PARD3: variants seen among roughly 807,000 people sequenced by gnomAD.
PARD3 encodes the protein par-3 family cell polarity regulator.
Under a neutral mutation model 155.4 loss-of-function variants are expected in PARD3, and 75 were observed. The observed-to-expected ratio is 0.48, with a 90% CI of 0.40 to 0.58. The LOEUF (loss-of-function observed/expected upper bound fraction) is 0.58. Among genes scored for constraint, PARD3 ranks in the 20% least tolerant of loss-of-function variants. The probability of loss-of-function intolerance (pLI) is 0.00; values close to 1 mark genes in which losing one functional copy is unlikely to be tolerated. For missense variants in PARD3, 1,642 were observed against 1,721.7 expected (o/e 0.95, Z 0.82); for synonymous variants, 576 against 610.5 (o/e 0.94, Z 0.83).
chr10:34,586,642 A>C (rs2088083215), intron 2 of PARD3, among the ~76,000 whole-genome samples: 2 of 152,204 alleles, frequency 1.3e-5, no homozygotes, highest in African/African-American at 4.8e-5. Context: ...TTGCTAGATG[A>C]TTCTAAGCAT....
At chr10:34,384,589 G>C (rs933787386) in intron 7 of PARD3, among the ~76,000 whole-genome samples, 4 of 152,138 alleles carry the variant, frequency 2.6e-5, no homozygotes, top group African/African-American at 9.7e-5. Flanking sequence ...GGATAAGCAT[G>C]TATTTTTGAA....
At chr10:34,164,121 A>C (rs1949411153) in intron 22 of PARD3, among the ~76,000 whole-genome samples, 1 of 152,216 alleles carries the variant, frequency 6.6e-6, no homozygotes, top group South Asian at 2.1e-4. Flanking sequence ...CAAAGCGGAA[A>C]AATAAACAGC....
rs1034427062 is a variant in PARD3, at chr10:34,577,732, G to A, written c.223-60573C>T. On this transcript the variant is annotated intron_variant, in intron 2 of 24. Transcript: ENST00000374788. ...CTAGAATATGTGTGGAAGTGTGCAC[G>A]TGTGCACAGGCACACACGTGGGTAC... 5.3e-5 allele frequency among the ~76,000 whole-genome samples: 8 copies of A among 152,150 alleles called. No individual in the cohort carries two copies. The South Asian group carries it at 6.2e-4, about 12-fold the overall frequency.
intron 2 of PARD3, among the ~76,000 whole-genome samples, chr10:34,687,138 G>A (rs1427604788): frequency 6.6e-6 from 1 of 152,010 alleles, no homozygotes; most frequent in African/African-American, 2.4e-5. Flanking sequence ...TGAAAATTCT[G>A]CCATACTTGT....
At chr10:34,445,621 A>G (rs771328752) in intron 5 of PARD3, among the ~76,000 whole-genome samples, 6 of 152,206 alleles carry the variant, frequency 3.9e-5, no homozygotes, top group Non-Finnish European at 8.8e-5. Context: ...TTTTGCTTAA[A>G]AAGAAACTAT....
chr10:34,729,257 G>A (rs1424477954), intron 1 of PARD3, among the ~76,000 whole-genome samples: 3 of 152,300 alleles, frequency 2.0e-5, no homozygotes, highest in Admixed American at 1.3e-4. Context: ...TTGGCCAGGC[G>A]TGGAGGCTCA....
chr10:34,248,326 G>T (rs1438690850), intron 22 of PARD3, among the ~76,000 whole-genome samples: 1 of 152,142 alleles, frequency 6.6e-6, no homozygotes, highest in Non-Finnish European at 1.5e-5. Flanking sequence ...AAACAGCATG[G>T]TCAATAAAAC....
At chr10:34,553,127 C>T (rs1347712890) in intron 2 of PARD3, among the ~76,000 whole-genome samples, 1 of 152,140 alleles carries the variant, frequency 6.6e-6, no homozygotes, top group Non-Finnish European at 1.5e-5. Context: ...AGGTTAATCG[C>T]CATCGATCCA....
intron 14 of PARD3, among the ~76,000 whole-genome samples, chr10:34,354,492 C>T (rs1000061494): frequency 3.3e-5 from 5 of 152,046 alleles, no homozygotes; most frequent in African/African-American, 9.7e-5. Context: ...GGTAGATGGA[C>T]CAAGCCCTGG....
At chr10:34,443,287 G>A (rs539086475) in intron 5 of PARD3, among the ~76,000 whole-genome samples, 1 of 152,230 alleles carries the variant, frequency 6.6e-6, no homozygotes, top group African/African-American at 2.4e-5. Context: ...CAATCTTCAA[G>A]AATTTGGCTG....
At chr10:34,592,813 A>G (rs2088843068) in intron 2 of PARD3, among the ~76,000 whole-genome samples, 1 of 152,140 alleles carries the variant, frequency 6.6e-6, no homozygotes, top group Admixed American at 6.5e-5. Flanking sequence ...TTTCACAGAG[A>G]AGAAACCAAG....
Position 34,467,745 on chromosome 10 carries a change from C to CTAAA in PARD3, c.582+2336_582+2339dup, listed in dbSNP as rs373700816. On this transcript the variant is annotated intron_variant, in intron 4 of 24. Coordinates refer to ENST00000374788, the MANE Select transcript of PARD3 (RefSeq NM_001184785.2). ...TGGGTGACAAAGCAAGACCCCATCT[C>CTAAA]TAAATAAATAAATAAATAAATAAAT... Among the ~76,000 whole-genome samples, 469 of 152,004 alleles carry CTAAA rather than the reference C, an allele frequency of 3.1e-3. 3 individuals carry two copies. Among genetic ancestry groups the CTAAA allele is most frequent in the Middle Eastern group, 0.024 (7 of 294 alleles).
chr10:34,463,307 A>G (rs2077788888), intron 4 of PARD3, among the ~76,000 whole-genome samples: 1 of 106,564 alleles, frequency 9.4e-6, no homozygotes, highest in African/African-American at 3.6e-5. Flanking sequence ...AGGGGAGGGG[A>G]AAGGGAAGGG....
chr10:34,110,008 A>G lies in PARD3; in HGVS notation c.*1161T>C, dbSNP rs1423201348. The G allele has an allele frequency of 5.3e-5, 8 of 151,922 alleles. No individual in the cohort carries two copies. The highest frequency in any genetic ancestry group is 1.9e-4 in the African/African-American group (8 of 41,336). 9.4% of individuals were successfully genotyped at this position (151,922 alleles called of 1,614,324 possible). A position where few individuals can be genotyped will look rare whatever the true frequency, so the allele number is the denominator to read the frequency against. ...AGCCACCGAGATCCCCGAGACCCAC[A>G]CACACACTCTAATACTGACGCGAGA... On this transcript the variant is annotated 3_prime_UTR_variant, in exon 25 of 25. Transcript: ENST00000374788.
intron 14 of PARD3, among the ~76,000 whole-genome samples, chr10:34,352,555 G>C (rs10827352): frequency 0.59 from 90,408 of 152,174 alleles, 28,893 homozygotes; most frequent in African/African-American, 0.85. Context: ...CCATGTTGGC[G>C]GGGCTGGTCT....
At chr10:34,495,651 G>A (rs2080227337) in intron 3 of PARD3, among the ~76,000 whole-genome samples, 1 of 152,126 alleles carries the variant, frequency 6.6e-6, no homozygotes, top group African/African-American at 2.4e-5. Flanking sequence ...TATTAGAAGA[G>A]CATGAAACAC....
chr10:34,661,190 TAA>T (rs1176252419), intron 2 of PARD3, among the ~76,000 whole-genome samples: 1 of 152,142 alleles, frequency 6.6e-6, no homozygotes, highest in African/African-American at 2.4e-5. Flanking sequence ...CTCAGTTTTT[TAA>T]AAAAGTCATT....
chr10:34,558,526 G>C (rs1158685263), intron 2 of PARD3, among the ~76,000 whole-genome samples: 1 of 152,178 alleles, frequency 6.6e-6, no homozygotes, highest in East Asian at 1.9e-4. Context: ...AAATCTGCAA[G>C]AGGCTGAAGC....
chr10:34,692,599 G>A (rs544335708), intron 2 of PARD3, among the ~76,000 whole-genome samples: 26 of 152,320 alleles, frequency 1.7e-4, no homozygotes, highest in African/African-American at 6.3e-4. Flanking sequence ...AAGAGGCCAG[G>A]CGTGGTGGCT....
Sources: gnomAD v4.1 joint callset for allele counts (sites outside exome capture counted in the v4.1 genomes callset) on GRCh38, gnomAD v4.1.1 for gene constraint, MANE v1.5 for transcripts, NCBI Gene and HGNC (gene_info 2026-07-23, HGNC 2026-07-21) for gene names.